Variants in CDIN1 observed in about 807,000 individuals in gnomAD.
CDIN1 encodes the protein CDAN1-interacting nuclease 1.
In CDIN1, 33 loss-of-function variants were observed where a neutral mutation model predicts 45.3. The observed-to-expected ratio is 0.73, with a 90% confidence interval of 0.55 to 0.97. CDIN1 has a LOEUF of 0.97. Ranked by LOEUF, CDIN1 falls within the 50% of genes least tolerant of loss-of-function variation. The pLI is 0.00. For missense variants in CDIN1, 303 were observed against 339.4 expected (o/e 0.89, Z 0.84); for synonymous variants, 118 against 124.4 (o/e 0.95, Z 0.34).
At chr15:36,618,376 C>G in intron 1 of CDIN1, 1 of 693,902 alleles carries the variant, frequency 1.4e-6, no homozygotes, top group Non-Finnish European at 2.6e-6. Flanking sequence ...AAGGAGACTT[C>G]CACTTTGCAG....
intron 1 of CDIN1, among the ~76,000 whole-genome samples, chr15:36,599,114 T>G (rs2037979323): frequency 6.6e-6 from 1 of 152,082 alleles, no homozygotes; most frequent in Non-Finnish European, 1.5e-5. Flanking sequence ...TTGCTTTTTT[T>G]TTTTTTTTGG....
chr15:36,629,371 G>A (rs1397540392), intron 1 of CDIN1, among the ~76,000 whole-genome samples: 2 of 152,104 alleles, frequency 1.3e-5, no homozygotes, highest in African/African-American at 4.8e-5. Flanking sequence ...CATCTTTTTA[G>A]CACTGAATAT....
intron 1 of CDIN1, among the ~76,000 whole-genome samples, chr15:36,604,058 A>G (rs2038234617): frequency 6.6e-6 from 1 of 152,162 alleles, no homozygotes; most frequent in South Asian, 2.1e-4. Flanking sequence ...ATTTTCTGCT[A>G]CAGATGTTAA....
intron 10 of CDIN1, among the ~76,000 whole-genome samples, chr15:36,771,927 CAAA>C (rs373077953): frequency 3.2e-5 from 4 of 126,556 alleles, no homozygotes; most frequent in African/African-American, 3.1e-5. Flanking sequence ...GACTCAGTCT[CAAA>C]AAAAAAAAAA....
intron 10 of CDIN1, among the ~76,000 whole-genome samples, chr15:36,767,252 G>A (rs920081938): frequency 2.6e-5 from 4 of 151,972 alleles, no homozygotes; most frequent in Admixed American, 2.0e-4. Context: ...AATGTGTTAC[G>A]GTTCAGCAGT....
At position 36,787,438 on chromosome 15, in the gene CDIN1, T is replaced by C. The variant is rs1211234796; in HGVS notation, c.717-20886T>C. 3.3e-5 allele frequency among the ~76,000 whole-genome samples: 5 copies of C among 152,346 alleles called. No homozygotes were observed. In the East Asian group the frequency reaches 9.6e-4, roughly 29 times the overall value. ...CTTTCATTTGCATTAGCAAGGATAC[T>C]GTAATAATAAGAATGATGCAAAGTT... On this transcript the variant is annotated intron_variant, in intron 10 of 10. Coordinates refer to ENST00000566621, the MANE Select transcript of CDIN1 (RefSeq NM_001321759.2).
intron 10 of CDIN1, among the ~76,000 whole-genome samples, chr15:36,745,355 A>G (rs2140952316): frequency 6.6e-6 from 1 of 152,282 alleles, no homozygotes; most frequent in Non-Finnish European, 1.5e-5. Context: ...AACTTATTAT[A>G]TATATTTTTA....
At chr15:36,618,468 A>C in intron 1 of CDIN1, 9 of 953,360 alleles carry the variant, frequency 9.4e-6, no homozygotes, top group Non-Finnish European at 1.4e-5. Context: ...CAATCTCAAG[A>C]CCTCATCCTT....
At chr15:36,774,163 T>TGTGTGTGTGTGTGTGTGTGTGTGC (rs149222188) in intron 10 of CDIN1, among the ~76,000 whole-genome samples, 26 of 143,144 alleles carry the variant, frequency 1.8e-4, no homozygotes, top group African/African-American at 4.5e-4. Context: ...TGTGTGTGTG[T>TGTGTGTGTGTGTGTGTGTGTGTGC]GCGCGCGCGC....
intron 10 of CDIN1, among the ~76,000 whole-genome samples, chr15:36,727,004 G>GT (rs2043655072): frequency 6.6e-6 from 1 of 152,058 alleles, no homozygotes; most frequent in African/African-American, 2.4e-5. Context: ...AAGTTCTGTT[G>GT]TTTTGCCAGG....
chr15:36,757,450 C>G (rs1163472055), intron 10 of CDIN1, among the ~76,000 whole-genome samples: 2 of 152,194 alleles, frequency 1.3e-5, no homozygotes, highest in Non-Finnish European at 2.9e-5. Flanking sequence ...TAGTCCCTTT[C>G]TAGTCCGAGG....
At position 36,793,933 on chromosome 15, in the gene CDIN1, C is replaced by T. The variant is rs74008788; in HGVS notation, c.717-14391C>T. On this transcript the variant is annotated intron_variant, in intron 10 of 10. Transcript: ENST00000566621. ...ATCTGTTTCGCTAGTTATCTGTTTA[C>T]ATTATCTTCTTCCCAGAGACTTTAT... Among the ~76,000 whole-genome samples, 967 of 151,078 alleles carry T rather than the reference C, an allele frequency of 6.4e-3. 15 individuals are homozygous for T. The highest frequency in any genetic ancestry group is 0.022 in the African/African-American group (924 of 41,270).
intron 1 of CDIN1, among the ~76,000 whole-genome samples, chr15:36,608,064 T>C (rs2038465451): frequency 6.6e-6 from 1 of 152,252 alleles, no homozygotes; most frequent in African/African-American, 2.4e-5. Context: ...ATACTACCTT[T>C]TGTTTATCCT....
At chr15:36,605,343 A>G (rs1219597085) in intron 1 of CDIN1, among the ~76,000 whole-genome samples, 3 of 152,220 alleles carry the variant, frequency 2.0e-5, no homozygotes, top group Non-Finnish European at 4.4e-5. Context: ...ATATAAATCA[A>G]TAATGCTGTT....
chr15:36,604,223 A>G (rs1245275504), intron 1 of CDIN1, among the ~76,000 whole-genome samples: 2 of 152,074 alleles, frequency 1.3e-5, no homozygotes, highest in African/African-American at 4.8e-5. Flanking sequence ...ATTCAGTAGC[A>G]GCATGAGGTC....
intron 10 of CDIN1, among the ~76,000 whole-genome samples, chr15:36,784,310 A>C (rs1448225541): frequency 6.6e-6 from 1 of 152,318 alleles, no homozygotes; most frequent in South Asian, 2.1e-4. Context: ...GAGGAGGATC[A>C]CTGGTAGCCG....
At chr15:36,650,758 C>T (rs1455023601) in intron 3 of CDIN1, among the ~76,000 whole-genome samples, 3 of 152,066 alleles carry the variant, frequency 2.0e-5, no homozygotes, top group Non-Finnish European at 2.9e-5. Flanking sequence ...ACATTTTCTA[C>T]TATCTGGATA....
intron 5 of CDIN1, among the ~76,000 whole-genome samples, chr15:36,680,752 C>G (rs991677887): frequency 6.6e-6 from 1 of 152,094 alleles, no homozygotes; most frequent in Non-Finnish European, 1.5e-5. Context: ...AGGAAGCTTG[C>G]TTGGTGGATG....
intron 1 of CDIN1, among the ~76,000 whole-genome samples, chr15:36,595,298 T>TAATAC (rs2037762304): frequency 1.1e-5 from 1 of 89,300 alleles, no homozygotes; most frequent in Non-Finnish European, 2.6e-5. Flanking sequence ...CATTATAATA[T>TAATAC]AATATAATAT....
Sources: allele counts gnomAD v4.1 joint callset (sites outside exome capture counted in the v4.1 genomes callset), GRCh38; gene constraint gnomAD v4.1.1; transcripts MANE v1.5; gene names NCBI Gene and HGNC (gene_info 2026-07-23, HGNC 2026-07-21).